Variants in CDC42SE2 observed in about 807,000 individuals in gnomAD.
The protein encoded by CDC42SE2 is CDC42 small effector protein 2.
CDC42SE2 carries 3 observed loss-of-function variants against 11.5 expected under a neutral mutation model. The ratio of observed to expected loss-of-function variants is 0.26; its 90% CI spans 0.12 to 0.67. CDC42SE2 has a LOEUF of 0.67. CDC42SE2 is among the 30% of genes least tolerant of loss of function. The pLI, the probability that CDC42SE2 is intolerant of heterozygous loss-of-function variation, is 0.80. For missense variants in CDC42SE2, 82 were observed against 106.8 expected, an observed-to-expected ratio of 0.77 and a Z score of 1.02; for synonymous variants, 33 against 34.8, an observed-to-expected ratio of 0.95 and a Z score of 0.18.
chr5:131,337,279 A>T (rs1758592206), intron 2 of CDC42SE2, among the ~76,000 whole-genome samples: 2 of 152,140 alleles, frequency 1.3e-5, no homozygotes, highest in Admixed American at 1.3e-4. Flanking sequence ...GCTGCAGAAC[A>T]GCGGATATTA....
intron 2 of CDC42SE2, among the ~76,000 whole-genome samples, chr5:131,349,982 T>G (rs1758963410): frequency 6.6e-6 from 1 of 152,164 alleles, no homozygotes; most frequent in African/African-American, 2.4e-5. Flanking sequence ...GATTTAGAAC[T>G]AATCAAGAAT....
chr5:131,347,602 C>G, intron 2 of CDC42SE2, among the ~76,000 whole-genome samples: 1 of 152,190 alleles, frequency 6.6e-6, no homozygotes. Context: ...CCTTCTGAAA[C>G]TACTCCAATC....
chr5:131,312,807 G>A (rs1018238093), intron 1 of CDC42SE2, among the ~76,000 whole-genome samples: 3 of 151,954 alleles, frequency 2.0e-5, no homozygotes, highest in African/African-American at 4.8e-5. Flanking sequence ...GCTTGCAAAC[G>A]GTGTGCGCAC....
chr5:131,240,849 TTTTGGTTTCA>T (rs1756534744), upstream of CDC42SE2, among the ~76,000 whole-genome samples: 3 of 152,310 alleles, frequency 2.0e-5, no homozygotes, highest in South Asian at 6.2e-4. Flanking sequence ...TCTAATTCAT[TTTTGGTTTCA>T]TTGCTGGGGA....
chr5:131,317,125 C>G (rs776868573), intron 2 of CDC42SE2, among the ~76,000 whole-genome samples: 1 of 151,302 alleles, frequency 6.6e-6, no homozygotes, highest in Non-Finnish European at 1.5e-5. Context: ...TTTTTAAATT[C>G]ACATCCTTTT....
At chr5:131,294,255 C>G (rs1006243587) in intron 1 of CDC42SE2, among the ~76,000 whole-genome samples, 3 of 152,182 alleles carry the variant, frequency 2.0e-5, no homozygotes, top group Non-Finnish European at 2.9e-5. Flanking sequence ...TGATCCAAAT[C>G]TGGATCACAC....
intron 3 of CDC42SE2, among the ~76,000 whole-genome samples, chr5:131,384,992 G>A (rs1002854819): frequency 6.6e-6 from 1 of 150,776 alleles, no homozygotes; most frequent in Non-Finnish European, 1.5e-5. Context: ...TTCCCAGCTA[G>A]AACAGACCAG....
intron 1 of CDC42SE2, among the ~76,000 whole-genome samples, chr5:131,276,279 T>TCC (rs1757099746): frequency 2.5e-5 from 1 of 40,744 alleles, no homozygotes; most frequent in Non-Finnish European, 5.2e-5. Context: ...AAACCCCATC[T>TCC]ACAAAAAAAA....
rs1333570051 is a variant in CDC42SE2 at position 131,327,651 on chromosome 5, C to T, written c.-286+11507C>T. On this transcript the variant is annotated intron_variant, in intron 2 of 4. Coordinates refer to ENST00000505065, the MANE Select transcript of CDC42SE2 (RefSeq NM_001375635.1). ...TCCTGGTATTCTAAAACCAAATAAT[C>T]AAAGGGTTTTTCATAATTTATTTGA... is the stretch of plus-strand genomic sequence containing the variant. Among the ~76,000 whole-genome samples, 3 of 152,100 alleles carry T rather than the reference C, an allele frequency of 2.0e-5. No homozygotes were observed. The South Asian group carries it at 6.2e-4, about 32-fold the overall frequency.
At chr5:131,277,715 T>C (rs1344109906) in intron 1 of CDC42SE2, among the ~76,000 whole-genome samples, 2 of 152,218 alleles carry the variant, frequency 1.3e-5, no homozygotes, top group Non-Finnish European at 2.9e-5. Flanking sequence ...CAGATGTTTT[T>C]TAGCCTGGCC....
At chr5:131,378,968 C>T (rs1449793192) in intron 3 of CDC42SE2, among the ~76,000 whole-genome samples, 12 of 152,214 alleles carry the variant, frequency 7.9e-5, no homozygotes, top group African/African-American at 2.4e-5. Context: ...GTGTTTCCCT[C>T]AAATAGAAAA....
chr5:131,289,322 GT>G (rs1411405038), intron 1 of CDC42SE2, among the ~76,000 whole-genome samples: 2 of 152,180 alleles, frequency 1.3e-5, no homozygotes, highest in Non-Finnish European at 2.9e-5. Flanking sequence ...CCTGCACTCA[GT>G]GACTTTCACT....
At chr5:131,311,518 G>A (rs937506084) in intron 1 of CDC42SE2, among the ~76,000 whole-genome samples, 2 of 151,702 alleles carry the variant, frequency 1.3e-5, no homozygotes, top group East Asian at 1.9e-4. Flanking sequence ...AGTTCTCCTG[G>A]ATAATATCCT....
intron 1 of CDC42SE2, among the ~76,000 whole-genome samples, chr5:131,294,376 A>G (rs1273060916): frequency 1.3e-5 from 2 of 152,216 alleles, no homozygotes; most frequent in African/African-American, 4.8e-5. Context: ...AAGGAAAGGT[A>G]TGTTGTCCCT....
the CDC42SE2 span, among the ~76,000 whole-genome samples, chr5:131,238,267 G>A: frequency 6.6e-6 from 1 of 152,014 alleles, no homozygotes; most frequent in Non-Finnish European, 1.5e-5. Flanking sequence ...GGAGACCGAG[G>A]CGGATGGATC....
At chr5:131,272,982 T>C (rs1757025142) in intron 1 of CDC42SE2, among the ~76,000 whole-genome samples, 1 of 152,070 alleles carries the variant, frequency 6.6e-6, no homozygotes, top group Non-Finnish European at 1.5e-5. Context: ...TTACTGCCTG[T>C]TTTCAGTTTC....
intron 1 of CDC42SE2, among the ~76,000 whole-genome samples, chr5:131,307,249 A>G (rs1757799216): frequency 1.7e-5 from 2 of 118,080 alleles, no homozygotes; most frequent in South Asian, 5.8e-4. Context: ...CCAGAGTGTG[A>G]TGTTCCCCTT....
At chr5:131,353,099 GATACCA>G (rs1164232269) in intron 2 of CDC42SE2, among the ~76,000 whole-genome samples, 1 of 151,946 alleles carries the variant, frequency 6.6e-6, no homozygotes, top group Non-Finnish European at 1.5e-5. Flanking sequence ...CCAAGTAGCT[GATACCA>G]CAAGTGCTTG....
At chr5:131,219,084 T>G in the CDC42SE2 span, among the ~76,000 whole-genome samples, 9 of 152,210 alleles carry the variant, frequency 5.9e-5, 1 homozygote, top group South Asian at 1.9e-3. Flanking sequence ...TATGCAATTG[T>G]GAGCATTCAC....
Sources: gnomAD v4.1 joint callset for allele counts (sites outside exome capture counted in the v4.1 genomes callset) on GRCh38, gnomAD v4.1.1 for gene constraint, MANE v1.5 for transcripts, NCBI Gene and HGNC (gene_info 2026-07-23, HGNC 2026-07-21) for gene names.